PACRG: variants seen among roughly 807,000 people sequenced by gnomAD.
The protein encoded by PACRG is parkin coregulated, also known as parkin coregulated gene protein.
A neutral mutation model predicts 29.7 loss-of-function variants in PACRG; 29 were observed. That is an observed-to-expected ratio of 0.98 (90% CI 0.73 to 1.33). The LOEUF (loss-of-function observed/expected upper bound fraction) is 1.33, where lower values mean the gene tolerates loss of function less well. Ranked by LOEUF, PACRG falls within the 40% of genes most tolerant of loss-of-function variation. The pLI, the probability that PACRG is intolerant of heterozygous loss-of-function variation, is 0.00. For missense variants in PACRG, 279 were observed against 316.2 expected, an observed-to-expected ratio of 0.88 and a Z score of 0.89; for synonymous variants, 116 against 118.7, an observed-to-expected ratio of 0.98 and a Z score of 0.15.
At chr6:163,293,005 C>G (rs1784667843) in intron 4 of PACRG, among the ~76,000 whole-genome samples, 1 of 152,108 alleles carries the variant, frequency 6.6e-6, no homozygotes, top group South Asian at 2.1e-4. Context: ...ATGTAAAAAT[C>G]AAGCATAGTG....
At chr6:162,741,842 A>G (rs368307462) in intron 1 of PACRG, among the ~76,000 whole-genome samples, 1 of 152,212 alleles carries the variant, frequency 6.6e-6, no homozygotes, top group African/African-American at 2.4e-5. Flanking sequence ...TGTGTACCAC[A>G]TTTGCATTCT....
At position 163,086,460 on chromosome 6, in the gene PACRG, G is replaced by A. The variant is rs566766517; in HGVS notation, c.464-2799G>A. ...TGCTGCTGTAATGAGCCATCATGCT[G>A]CTGAGTTCTATGGTTATATTTAGGT... On this transcript the variant is annotated intron_variant, in intron 3 of 4. Coordinates refer to ENST00000366888, the MANE Select transcript of PACRG (RefSeq NM_001080379.2). Among the ~76,000 whole-genome samples the A allele has an allele frequency of 4.6e-5, 7 of 152,316 alleles. No homozygotes were observed. The East Asian group carries it at 1.2e-3, about 25-fold the overall frequency.
In PACRG at chr6:162,762,656, G is replaced by A. The variant is rs111960675; in HGVS notation, c.156+34265G>A. ...GGATAACCATGGATGTTGACTTTGC[G>A]TTCTTTCATTATGCATGCTATTTCA... On this transcript the variant is annotated intron_variant, in intron 1 of 4. Coordinates refer to ENST00000366888, the MANE Select transcript of PACRG (RefSeq NM_001080379.2). Among the ~76,000 whole-genome samples, 1,151 of 152,258 alleles carry A rather than the reference G, an allele frequency of 7.6e-3. 17 individuals carry two copies. The highest frequency in any genetic ancestry group is 0.025 in the African/African-American group (1,058 of 41,546).
intron 2 of PACRG, among the ~76,000 whole-genome samples, chr6:162,996,841 A>G (rs1804108997): frequency 1.3e-5 from 2 of 152,268 alleles, no homozygotes; most frequent in East Asian, 3.9e-4. Context: ...TACTCTTAAA[A>G]CTAGAGTTTT....
Position 163,034,679 on chromosome 6 carries a change from G to A in PACRG, c.292-27471G>A, listed in dbSNP as rs146995841. Reference sequence around the variant, plus strand: ...TGGGTTGGGGGATCTCCTCAGCATCGTCCCTTCCATGTTCACCAGAAAGAT... The same window carrying A: ...TGGGTTGGGGGATCTCCTCAGCATCATCCCTTCCATGTTCACCAGAAAGAT... On this transcript the variant is annotated intron_variant, in intron 2 of 4. Transcript: ENST00000366888. Among the ~76,000 whole-genome samples, 208 of 152,124 alleles carry A rather than the reference G, an allele frequency of 1.4e-3. 1 individual carries two copies. The Middle Eastern group carries it at 0.021, about 15-fold the overall frequency.
At chr6:163,077,486 T>TG (rs1292763039) in intron 3 of PACRG, among the ~76,000 whole-genome samples, 1 of 151,870 alleles carries the variant, frequency 6.6e-6, no homozygotes, top group Non-Finnish European at 1.5e-5. Context: ...GAAAACCTAG[T>TG]GGGGAAAAAC....
intron 1 of PACRG, among the ~76,000 whole-genome samples, chr6:162,766,290 TGC>T (rs1391745594): frequency 2.2e-4 from 34 of 152,298 alleles, no homozygotes; most frequent in Admixed American, 9.2e-4. Context: ...AGATTTCACA[TGC>T]AAGTGAGTGC....
chr6:163,046,777 T>C (rs1165081517), intron 2 of PACRG: 17 of 152,208 alleles, frequency 1.1e-4, no homozygotes, highest in Admixed American at 1.1e-3. Context: ...CTCCCTAACA[T>C]TTAGCACAAT....
chr6:162,906,352 G>A (rs2128067636), intron 2 of PACRG, among the ~76,000 whole-genome samples: 1 of 152,192 alleles, frequency 6.6e-6, no homozygotes, highest in South Asian at 2.1e-4. Context: ...TCCTTGTGAT[G>A]AGCATTTTTA....
chr6:162,826,390 C>A (rs1788278344), intron 2 of PACRG, among the ~76,000 whole-genome samples: 1 of 151,924 alleles, frequency 6.6e-6, no homozygotes, highest in Non-Finnish European at 1.5e-5. Flanking sequence ...TGTGTATTTA[C>A]ATGTATATGC....
At chr6:162,944,275 C>G (rs898197097) in intron 2 of PACRG, among the ~76,000 whole-genome samples, 4 of 152,156 alleles carry the variant, frequency 2.6e-5, no homozygotes, top group South Asian at 4.1e-4. Flanking sequence ...GAATCAAAGC[C>G]AAAGTGCACT....
intron 4 of PACRG, among the ~76,000 whole-genome samples, chr6:163,151,582 C>T (rs532403381): frequency 6.6e-6 from 1 of 152,142 alleles, no homozygotes; most frequent in African/African-American, 2.4e-5. Flanking sequence ...TATTATTTGT[C>T]CTCGATAGGA....
At chr6:163,261,741 T>A (rs1377701351) in intron 4 of PACRG, among the ~76,000 whole-genome samples, 1 of 152,256 alleles carries the variant, frequency 6.6e-6, no homozygotes, top group Non-Finnish European at 1.5e-5. Flanking sequence ...TTCTTGTCAT[T>A]GTTCCCTAAA....
intron 2 of PACRG, among the ~76,000 whole-genome samples, chr6:163,036,939 C>G (rs1808256969): frequency 6.6e-6 from 1 of 151,790 alleles, no homozygotes; most frequent in African/African-American, 2.4e-5. Flanking sequence ...TGTGACAGAC[C>G]CTGAGCCATG....
At chr6:163,045,833 C>T (rs576929256) in intron 2 of PACRG, among the ~76,000 whole-genome samples, 1 of 151,844 alleles carries the variant, frequency 6.6e-6, no homozygotes, top group African/African-American at 2.4e-5. Flanking sequence ...CCAGTATGGT[C>T]TCGATCTCTT....
At position 162,777,164 on chromosome 6, in the gene PACRG, A is replaced by G. The variant is rs2128309089; in HGVS notation, c.157-36983A>G. On this transcript the variant is annotated intron_variant, in intron 1 of 4. Transcript: ENST00000366888. This position sits in a 1 kb window ranked among gnomAD's most constrained non-coding sequence, Gnocchi z 4.0. ...AATGTTCTGTCGCACACTTGCACAA[A>G]CCCTGATCTCTCTTCAGGGGCCTCT... 6.6e-6 allele frequency among the ~76,000 whole-genome samples: 1 copy of G among 152,300 alleles called. No individual in the cohort carries two copies. The highest frequency in any genetic ancestry group is 1.9e-4 in the East Asian group (1 of 5,172).
At chr6:163,192,850 C>T (rs1208761250) in intron 4 of PACRG, among the ~76,000 whole-genome samples, 2 of 152,290 alleles carry the variant, frequency 1.3e-5, no homozygotes, top group East Asian at 3.9e-4. Flanking sequence ...ACATCTGTGA[C>T]GTCCTGCAGT....
chr6:162,950,281 A>T (rs1467871419), intron 2 of PACRG, among the ~76,000 whole-genome samples: 2 of 152,134 alleles, frequency 1.3e-5, no homozygotes, highest in Middle Eastern at 3.2e-3. Flanking sequence ...GTGGATCGTG[A>T]GGTCAGGAGA....
chr6:163,180,850 C>G (rs910843798), intron 4 of PACRG, among the ~76,000 whole-genome samples: 1 of 152,206 alleles, frequency 6.6e-6, no homozygotes, highest in African/African-American at 2.4e-5. Context: ...GCAAACGCTG[C>G]GTCTCCTGGA....
Sources: gnomAD v4.1 joint callset for allele counts (sites outside exome capture counted in the v4.1 genomes callset) on GRCh38, gnomAD v4.1.1 for gene constraint, Gnocchi (gnomAD v3.1) non-coding constraint, MANE v1.5 for transcripts, NCBI Gene and HGNC (gene_info 2026-07-23, HGNC 2026-07-21) for gene names.